Variants in CAND2 observed in about 807,000 individuals in gnomAD.
CAND2 encodes cullin-associated NEDD8-dissociated protein 2.
A neutral mutation model predicts 98.9 loss-of-function variants in CAND2; 62 were observed. The observed-to-expected ratio is 0.63, with a 90% CI of 0.51 to 0.77. The LOEUF (loss-of-function observed/expected upper bound fraction) is 0.77. Among genes scored for constraint, CAND2 ranks in the 30% least tolerant of loss-of-function variants. CAND2 has a pLI of 0.00. For missense variants in CAND2, 1,501 were observed against 1,655.2 expected, an observed-to-expected ratio of 0.91 and a Z score of 1.62; for synonymous variants, 770 against 731.9, an observed-to-expected ratio of 1.05 and a Z score of -0.84.
chr3:12,819,483 C>G (rs536532112), intron 10 of CAND2, among the ~76,000 whole-genome samples: 1 of 152,312 alleles, frequency 6.6e-6, no homozygotes, highest in South Asian at 2.1e-4. Flanking sequence ...CTGGGCTTCT[C>G]TACTCAGAAA....
intron 1 of CAND2, among the ~76,000 whole-genome samples, chr3:12,798,509 G>C (rs2061742995): frequency 6.6e-6 from 1 of 152,172 alleles, no homozygotes; most frequent in South Asian, 2.1e-4. Context: ...GCTCCCTACT[G>C]TGCACCCCAC....
intron 4 of CAND2, among the ~76,000 whole-genome samples, chr3:12,809,124 G>A (rs1404804508): frequency 6.6e-6 from 1 of 152,156 alleles, no homozygotes; most frequent in African/African-American, 2.4e-5. Flanking sequence ...GAGTGGGCAG[G>A]GGAGGCAGGG....
At chr3:12,823,280 T>TTTTTTTTGTTTG (rs146323282) in intron 11 of CAND2, among the ~76,000 whole-genome samples, 2 of 16,352 alleles carry the variant, frequency 1.2e-4, no homozygotes, top group Non-Finnish European at 2.5e-4. Context: ...TAAATACAGT[T>TTTTTTTTGTTTG]TTTGTTGGTT....
intron 9 of CAND2, 42 bp from the exon 10 acceptor site, chr3:12,816,332 A>G (rs1327250970): frequency 1.9e-6 from 3 of 1,558,876 alleles, no homozygotes; most frequent in East Asian, 2.3e-5. Flanking sequence ...GCCGTGTTGC[A>G]TCAGAGGCGG....
chr3:12,826,781 G>A (rs2062004252), intron 12 of CAND2, among the ~76,000 whole-genome samples: 2 of 130,332 alleles, frequency 1.5e-5, no homozygotes, highest in Admixed American at 8.0e-5. Flanking sequence ...TAATTAACCT[G>A]CCCAACTCAG....
intron 14 of CAND2, chr3:12,832,415 G>A (rs1292173870): frequency 6.6e-6 from 1 of 152,196 alleles, no homozygotes; most frequent in African/African-American, 2.4e-5. Flanking sequence ...TCTTAAGAGG[G>A]AGGTATATAT....
rs899806272 is a variant in CAND2 at position 12,819,974 on chromosome 3, G to T, written c.2945-112G>T. The T allele has an allele frequency of 2.1e-5, 17 of 796,666 alleles. No homozygotes were observed. In the Admixed American group the frequency reaches 2.8e-4, roughly 13 times the overall value. The allele number at this position is 796,666 out of a possible 1,614,324, so 49.3% of individuals were successfully genotyped here. A position where few individuals can be genotyped will look rare whatever the true frequency, so the allele number is the denominator to read the frequency against. On this transcript the variant is annotated intron_variant, in intron 10 of 14. Transcript: ENST00000456430. ...CCACTTTCCCAGAGATGGGGAGGGG[G>T]TACAGTTCTGTTTTCCAGGGAAGCA...
intron 13 of CAND2, among the ~76,000 whole-genome samples, chr3:12,829,807 C>G (rs529333691): frequency 6.6e-6 from 1 of 152,260 alleles, no homozygotes; most frequent in East Asian, 1.9e-4. Context: ...TGTTTTTTTC[C>G]CCAGCCTTTT....
chr3:12,805,953 C>T (rs771253429), intron 2 of CAND2, among the ~76,000 whole-genome samples: 2 of 152,164 alleles, frequency 1.3e-5, no homozygotes, highest in Non-Finnish European at 2.9e-5. Flanking sequence ...GGTGGTATTA[C>T]TCCTAGTGGG....
chr3:12,802,492 A>G (rs558963350), intron 1 of CAND2, among the ~76,000 whole-genome samples: 10 of 152,360 alleles, frequency 6.6e-5, no homozygotes, highest in African/African-American at 1.7e-4. Flanking sequence ...CCCTGTTTTC[A>G]GACAGGTAAA....
chr3:12,818,718 A>G (rs867540153), intron 10 of CAND2, among the ~76,000 whole-genome samples: 1 of 152,258 alleles, frequency 6.6e-6, no homozygotes, highest in Non-Finnish European at 1.5e-5. Flanking sequence ...TGGTACCTAC[A>G]GTAATTAATA....
chr3:12,826,333 T>C (rs139449873), intron 12 of CAND2, among the ~76,000 whole-genome samples: 30 of 152,330 alleles, frequency 2.0e-4, no homozygotes, highest in South Asian at 1.0e-3. Flanking sequence ...ACTAGCAGCA[T>C]TGAGGCCCTT....
intron 5 of CAND2, among the ~76,000 whole-genome samples, chr3:12,812,240 T>TTTTTTTTTTTTTG (rs71066940): frequency 7.3e-6 from 1 of 137,108 alleles, no homozygotes; most frequent in Non-Finnish European, 1.5e-5. Context: ...TTTTTTTTTT[T>TTTTTTTTTTTTTG]GGAGATAGAA....
chr3:12,803,703 C>A (rs2061784046), intron 2 of CAND2, 72 bp downstream of exon 2: 3 of 1,424,046 alleles, frequency 2.1e-6, no homozygotes, highest in Non-Finnish European at 2.8e-6. Context: ...GACCGCTGTC[C>A]CTTTGGGGTA....
rs62620196 is a variant in CAND2, at chr3:12,803,514, C to T, written c.95C>T (p.Ser32Leu). The T allele has an allele frequency of 7.3e-3, 11,827 of 1,612,434 alleles. 57 individuals are homozygous for T. The highest frequency in any genetic ancestry group is 8.8e-3 in the Non-Finnish European group (10,414 of 1,179,140). Residue 32 changes from serine (S) to leucine (L), a missense_variant, in exon 2 of 15, where the codon TCG (serine) becomes TTG (leucine). Physicochemically the swap from Ser to Leu is moderately radical, Grantham distance 145. Coordinates refer to ENST00000456430, the MANE Select transcript of CAND2 (RefSeq NM_001162499.2). ...TTCATGGCCACCAGCGACCTGATGT[C>T]GGAGTTGCAGAAGGACTCCATCCAG... ...FRFMATSDLM[S>L]ELQKDSIQLD... is the part of the protein sequence containing the mutation.
chr3:12,798,599 C>T (rs1482102481), intron 1 of CAND2, among the ~76,000 whole-genome samples: 1 of 152,082 alleles, frequency 6.6e-6, no homozygotes, highest in African/African-American at 2.4e-5. Flanking sequence ...AGTGACTTGC[C>T]CAAGGTCACA....
intron 13 of CAND2, among the ~76,000 whole-genome samples, chr3:12,829,231 C>T (rs1405684881): frequency 2.0e-5 from 3 of 152,188 alleles, no homozygotes; most frequent in Non-Finnish European, 2.9e-5. Context: ...CTGCAACCTC[C>T]GCCTCCCGGG....
rs2061865898 is a variant in CAND2, at chr3:12,813,018, G to C, written c.786G>C (p.Leu262=). ...CTCACCTGGACCGCCTGGTGCCCCTGGTGGAGGATTTCTGCAACCTGGATG... is the reference window on the plus strand; with the variant it reads ...CTCACCTGGACCGCCTGGTGCCCCTCGTGGAGGATTTCTGCAACCTGGATG... The part of the protein sequence containing the change: ...LGAHLDRLVP[L]VEDFCNLDDD... Residue 262 remains leucine, a synonymous_variant, in exon 6 of 15, where the codon CTG becomes CTC. Coordinates refer to ENST00000456430, the MANE Select transcript of CAND2 (RefSeq NM_001162499.2). The C allele has an allele frequency of 1.3e-6, 2 of 1,580,582 alleles. No homozygotes were observed. The highest frequency in any genetic ancestry group is 1.7e-6 in the Non-Finnish European group (2 of 1,164,320).
intron 7 of CAND2, among the ~76,000 whole-genome samples, chr3:12,814,033 A>T (rs1372440854): frequency 6.6e-6 from 1 of 152,222 alleles, no homozygotes; most frequent in African/African-American, 2.4e-5. Flanking sequence ...ATGAGATTGG[A>T]CAGGCATGCG....
Sources: gnomAD v4.1 joint callset for allele counts (sites outside exome capture counted in the v4.1 genomes callset) on GRCh38, gnomAD v4.1.1 for gene constraint, MANE v1.5 for transcripts, NCBI Gene and HGNC (gene_info 2026-07-23, HGNC 2026-07-21) for gene names.